KAZN: variants seen among roughly 807,000 people sequenced by gnomAD.
The protein encoded by KAZN is kazrin, periplakin interacting protein.
In KAZN, 40 loss-of-function variants were observed where a neutral mutation model predicts 87.4. The ratio of observed to expected loss-of-function variants is 0.46; its 90% CI spans 0.36 to 0.60. KAZN has a LOEUF of 0.60. Among genes scored for constraint, KAZN ranks in the 20% least tolerant of loss-of-function variants. The pLI is 0.00. For synonymous variants in KAZN, 466 were observed against 458.3 expected (o/e 1.02, Z -0.22); for missense variants, 898 against 1,073.9 (o/e 0.84, Z 2.29).
At chr1:14,263,065 T>C (rs1651205059) in intron 2 of KAZN, among the ~76,000 whole-genome samples, 1 of 152,212 alleles carries the variant, frequency 6.6e-6, no homozygotes, top group Non-Finnish European at 1.5e-5. Context: ...GATGACTATT[T>C]ATGACTTTTA....
At chr1:14,307,284 T>C (rs541197672) in intron 2 of KAZN, among the ~76,000 whole-genome samples, 2 of 152,270 alleles carry the variant, frequency 1.3e-5, no homozygotes, top group South Asian at 4.1e-4. Flanking sequence ...TTCCCCACCA[T>C]TTTTCACACC....
chr1:14,167,783 A>G (rs1645864453), intron 1 of KAZN, among the ~76,000 whole-genome samples: 1 of 152,148 alleles, frequency 6.6e-6, no homozygotes, highest in African/African-American at 2.4e-5. Context: ...AGAAGTTAGG[A>G]AGGGCAGGGA....
intron 1 of KAZN, among the ~76,000 whole-genome samples, chr1:14,826,667 C>G (rs995105416): frequency 1.3e-5 from 2 of 152,178 alleles, no homozygotes; most frequent in Admixed American, 6.5e-5. Context: ...TTAAGTTCCT[C>G]TCCAGTAGCG....
rs151287672 is a variant in KAZN at position 14,367,619 on chromosome 1, G to C, written c.249+187027G>C. ...ACCCTTGTCGTTTCTCTGGCCATCG[G>C]ACTGCAGAGCCTGGGCTGAATCAGT... On this transcript the variant is annotated intron_variant, in intron 2 of 16. Coordinates refer to the KAZN transcript ENST00000636203. Among the ~76,000 whole-genome samples, 31 of 152,224 alleles carry C rather than the reference G, an allele frequency of 2.0e-4. No individual in the cohort carries two copies. The East Asian group carries it at 2.5e-3, about 12-fold the overall frequency.
intron 2 of KAZN, among the ~76,000 whole-genome samples, chr1:14,375,382 G>A (rs984583552): frequency 1.3e-5 from 2 of 152,190 alleles, no homozygotes; most frequent in East Asian, 3.9e-4. Flanking sequence ...AGAGCAGATG[G>A]CTTGCTTCTC....
chr1:14,657,335 G>A (rs972159999), intron 1 of KAZN, among the ~76,000 whole-genome samples: 3 of 152,078 alleles, frequency 2.0e-5, no homozygotes, highest in Non-Finnish European at 4.4e-5. Context: ...TGCCTGCCTC[G>A]GCCTCCCAGA....
At chr1:14,721,386 G>C (rs1384421075) in intron 1 of KAZN, among the ~76,000 whole-genome samples, 2 of 152,168 alleles carry the variant, frequency 1.3e-5, no homozygotes, top group Non-Finnish European at 2.9e-5. Context: ...ATCATTATAA[G>C]TTTCCTGAGG....
chr1:14,880,352 T>C (rs752336129), intron 1 of KAZN, among the ~76,000 whole-genome samples: 4 of 152,152 alleles, frequency 2.6e-5, no homozygotes, highest in Admixed American at 2.6e-4. Context: ...GAAAAGTATG[T>C]AGTAATTAGT....
Position 15,114,869 on chromosome 1 carries a change from G to A in KAZN, c.*234G>A. On this transcript the variant is annotated 3_prime_UTR_variant, in exon 15 of 15. Coordinates refer to ENST00000376030, the MANE Select transcript of KAZN (RefSeq NM_201628.3). ...GACTTTCCTGTTCAGCTGGAGATGG[G>A]CCCAGAGGACCTGTCACAGTGTCCG... 2.3e-6 allele frequency: 1 copy of A among 433,498 alleles called. No homozygotes were observed. Among genetic ancestry groups the A allele is most frequent in the South Asian group, 4.0e-5 (1 of 25,068 alleles). 26.9% of individuals were successfully genotyped at this position (433,498 alleles called of 1,614,324 possible). A position where few individuals can be genotyped will look rare whatever the true frequency, so the allele number is the denominator to read the frequency against.
At chr1:14,826,361 T>C (rs1444392644) in intron 1 of KAZN, among the ~76,000 whole-genome samples, 1 of 152,242 alleles carries the variant, frequency 6.6e-6, no homozygotes, top group Non-Finnish European at 1.5e-5. Flanking sequence ...TTTATTTTAG[T>C]GGATTTTTGT....
At chr1:14,682,938 C>T (rs1640759361) in intron 1 of KAZN, among the ~76,000 whole-genome samples, 1 of 152,174 alleles carries the variant, frequency 6.6e-6, no homozygotes, top group East Asian at 1.9e-4. Context: ...GTTAAAAATC[C>T]TCTCTCCTTT....
At chr1:15,086,853 A>C (rs1231964679) in intron 8 of KAZN, among the ~76,000 whole-genome samples, 2 of 152,272 alleles carry the variant, frequency 1.3e-5, no homozygotes, top group Non-Finnish European at 2.9e-5. Flanking sequence ...AAGGGTAATC[A>C]TTAAGGCCGT....
chr1:14,250,759 A>G (rs1353066386), intron 2 of KAZN, among the ~76,000 whole-genome samples: 1 of 152,124 alleles, frequency 6.6e-6, no homozygotes, highest in Non-Finnish European at 1.5e-5. Flanking sequence ...TAATTTGGGC[A>G]TGGTATTTCA....
At chr1:14,606,707 T>C (rs542976504) in intron 1 of KAZN, among the ~76,000 whole-genome samples, 114 of 152,222 alleles carry the variant, frequency 7.5e-4, no homozygotes, top group African/African-American at 2.5e-3. Flanking sequence ...GATACCTTCA[T>C]GCTAGGGTTT....
At chr1:14,258,211 TTTCTTTC>T (rs1028370002) in intron 2 of KAZN, among the ~76,000 whole-genome samples, 16 of 108,740 alleles carry the variant, frequency 1.5e-4, no homozygotes, top group African/African-American at 5.9e-4. Context: ...TCTTTCTTTC[TTTCTTTC>T]TTTTTTTTTT....
rs762478388 is a variant in KAZN at position 14,773,628 on chromosome 1, C to T, written c.226+174405C>T. 5.3e-5 allele frequency among the ~76,000 whole-genome samples: 8 copies of T among 152,146 alleles called. No homozygotes were observed. Among genetic ancestry groups the T allele is most frequent in the African/African-American group, 9.7e-5 (4 of 41,436 alleles). Reference sequence around the variant, plus strand: ...GAAATGAGGTCAGGCACCCGCCACCCGGTTCTCCTTCTTCCTCTTCTAAAA... The same window carrying T: ...GAAATGAGGTCAGGCACCCGCCACCTGGTTCTCCTTCTTCCTCTTCTAAAA... On this transcript the variant is annotated intron_variant, in intron 1 of 14. Transcript: ENST00000376030. The surrounding 1 kb of genome is among the most constrained non-coding windows in gnomAD (Gnocchi z 5.9).
At chr1:14,793,858 C>T (rs770375314) in intron 1 of KAZN, among the ~76,000 whole-genome samples, 6 of 152,182 alleles carry the variant, frequency 3.9e-5, no homozygotes, top group African/African-American at 1.2e-4. Flanking sequence ...GTGTGCCTTC[C>T]GGGTGGCTCC....
intron 2 of KAZN, among the ~76,000 whole-genome samples, chr1:14,349,703 C>T (rs1261519181): frequency 2.0e-5 from 3 of 151,992 alleles, no homozygotes; most frequent in African/African-American, 7.3e-5. Context: ...GAGCAAGGTA[C>T]GTTCAGGGTT....
chr1:14,688,286 C>T lies in KAZN; in HGVS notation c.226+89063C>T, dbSNP rs568896231. ...AGCTGTGACTGTGGGCACTTTCCCT[C>T]GCTGGGCCTGTTTCTCATTTACTAA... On this transcript the variant is annotated intron_variant, in intron 1 of 14. Coordinates refer to ENST00000376030, the MANE Select transcript of KAZN (RefSeq NM_201628.3). Among the ~76,000 whole-genome samples the T allele has an allele frequency of 4.6e-3, 704 of 152,290 alleles. 4 individuals are homozygous for T. The highest frequency in any genetic ancestry group is 0.016 in the African/African-American group (679 of 41,556).
Sources: allele counts gnomAD v4.1 joint callset (sites outside exome capture counted in the v4.1 genomes callset), GRCh38; gene constraint gnomAD v4.1.1; non-coding constraint Gnocchi (gnomAD v3.1); transcripts MANE v1.5; gene names NCBI Gene and HGNC (gene_info 2026-07-23, HGNC 2026-07-21).